Variants in DSCAM observed in about 807,000 individuals in gnomAD.
DSCAM encodes the protein DS cell adhesion molecule, also known as cell adhesion molecule DSCAM.
DSCAM carries 47 observed loss-of-function variants against 217.7 expected under a neutral mutation model. The ratio of observed to expected loss-of-function variants is 0.22; its 90% CI spans 0.17 to 0.28. DSCAM has a LOEUF of 0.28. DSCAM is among the 10% of genes least tolerant of loss of function. The pLI is 1.00. For synonymous variants in DSCAM, 1,056 were observed against 1,015.3 expected (o/e 1.04, Z -0.76); for missense variants, 2,080 against 2,618.3 (o/e 0.79, Z 4.49).
intron 6 of DSCAM, among the ~76,000 whole-genome samples, chr21:40,346,710 G>T (rs142707764): frequency 6.6e-6 from 1 of 152,162 alleles, no homozygotes; most frequent in South Asian, 2.1e-4. Context: ...TCCAAAACCT[G>T]TTATTATACC....
chr21:40,416,519 A>C (rs2075373335), intron 3 of DSCAM, among the ~76,000 whole-genome samples: 1 of 152,222 alleles, frequency 6.6e-6, no homozygotes, highest in Non-Finnish European at 1.5e-5. Context: ...TGCCAAAATA[A>C]GCAGACAAAG....
intron 3 of DSCAM, among the ~76,000 whole-genome samples, chr21:40,524,957 C>T (rs892124855): frequency 3.5e-5 from 5 of 144,824 alleles, no homozygotes; most frequent in Non-Finnish European, 7.4e-5. Context: ...TTGCAGTGAG[C>T]CAAGGTCATG....
At chr21:40,628,079 A>T (rs908772087) in intron 3 of DSCAM, among the ~76,000 whole-genome samples, 9 of 152,204 alleles carry the variant, frequency 5.9e-5, no homozygotes, top group African/African-American at 9.7e-5. Context: ...ACCCCAGCAC[A>T]ATGAAACCAC....
chr21:40,772,261 T>C (rs914291888), intron 1 of DSCAM, among the ~76,000 whole-genome samples: 2 of 152,166 alleles, frequency 1.3e-5, no homozygotes, highest in African/African-American at 4.8e-5. Context: ...CTCCACCTCC[T>C]GGGTGCAAGC....
intron 27 of DSCAM, among the ~76,000 whole-genome samples, chr21:40,073,706 T>G (rs2089326825): frequency 6.6e-6 from 1 of 152,248 alleles, no homozygotes; most frequent in South Asian, 2.1e-4. Flanking sequence ...TGACATGTTT[T>G]GTCTTTCACT....
intron 32 of DSCAM, among the ~76,000 whole-genome samples, chr21:40,019,519 C>T (rs563422496): frequency 6.6e-6 from 1 of 152,292 alleles, no homozygotes; most frequent in Admixed American, 6.5e-5. Flanking sequence ...AATCTGTTTC[C>T]ACAGGGAGCA....
intron 2 of DSCAM, among the ~76,000 whole-genome samples, chr21:40,705,635 T>A (rs2090706173): frequency 6.6e-6 from 1 of 152,026 alleles, no homozygotes; most frequent in Non-Finnish European, 1.5e-5. Flanking sequence ...AACCATCAGA[T>A]CTCGTGAGAC....
intron 30 of DSCAM, among the ~76,000 whole-genome samples, chr21:40,051,494 T>C (rs922469746): frequency 1.6e-4 from 24 of 152,212 alleles, no homozygotes; most frequent in African/African-American, 5.5e-4. Context: ...TACTTATGTG[T>C]GCAACTTTAT....
intron 16 of DSCAM, among the ~76,000 whole-genome samples, chr21:40,160,360 A>G (rs1412430744): frequency 1.3e-5 from 2 of 152,230 alleles, no homozygotes; most frequent in Non-Finnish European, 2.9e-5. Flanking sequence ...TATATAATTT[A>G]CTTGTTGGAA....
intron 4 of DSCAM, among the ~76,000 whole-genome samples, chr21:40,354,923 CAA>C (rs1274590154): frequency 2.0e-5 from 3 of 148,450 alleles, no homozygotes; most frequent in African/African-American, 2.5e-5. Context: ...ATTTATTGCA[CAA>C]AAGAGTTTTA....
At position 40,187,185 on chromosome 21, in the gene DSCAM, A is replaced by G. The variant is rs1351395740; in HGVS notation, c.2725T>C (p.Phe909Leu). The change falls in exon 14 of 33, where the codon TTT (phenylalanine) becomes CTT (leucine). Residue 909 changes from phenylalanine to leucine, a missense_variant. Coordinates refer to ENST00000400454, the MANE Select transcript of DSCAM (RefSeq NM_001389.5). The stretch of plus-strand genomic sequence containing the variant: ...CCTGTGATGGGACTGTTTCCATCAA[A>G]CCCCATGGTCCACCTGAGCGTAATT... ...RTITLRWTMG[F>L]DGNSPITGYD... 1.2e-6 allele frequency: 2 copies of G among 1,614,144 alleles called. No individual in the cohort carries two copies. Among genetic ancestry groups the G allele is most frequent in the East Asian group, 2.2e-5 (1 of 44,872 alleles).
chr21:40,210,576 GCT>G (rs2091172063), intron 11 of DSCAM, among the ~76,000 whole-genome samples: 2 of 152,158 alleles, frequency 1.3e-5, no homozygotes, highest in East Asian at 1.9e-4. Context: ...ATGGATTCTC[GCT>G]CTGTCACCCA....
intron 15 of DSCAM, among the ~76,000 whole-genome samples, chr21:40,172,179 T>C (rs2090666209): frequency 6.6e-6 from 1 of 152,134 alleles, no homozygotes; most frequent in Admixed American, 6.5e-5. Flanking sequence ...TGAGGCAGGA[T>C]AACCGCTTGA....
At chr21:40,515,919 G>A (rs1003070393) in intron 3 of DSCAM, among the ~76,000 whole-genome samples, 3 of 151,896 alleles carry the variant, frequency 2.0e-5, no homozygotes, top group African/African-American at 4.8e-5. Flanking sequence ...ACTTTTTAAA[G>A]GACTCTACAA....
chr21:40,245,804 C>T (rs1191318542), intron 11 of DSCAM, among the ~76,000 whole-genome samples: 1 of 152,146 alleles, frequency 6.6e-6, no homozygotes, highest in Non-Finnish European at 1.5e-5. Flanking sequence ...CGCTTTCATA[C>T]TTATCTAGCC....
intron 11 of DSCAM, among the ~76,000 whole-genome samples, chr21:40,224,411 G>A (rs1360971944): frequency 6.6e-6 from 1 of 152,194 alleles, no homozygotes; most frequent in African/African-American, 2.4e-5. Context: ...AAAGAAAGAT[G>A]TTTGCTCCTC....
At chr21:40,578,482 ACTCTGTAAAATGGACCAATCAGTG>A (rs1568917885) in intron 3 of DSCAM, among the ~76,000 whole-genome samples, 3 of 146,214 alleles carry the variant, frequency 2.1e-5, no homozygotes, top group South Asian at 2.1e-4. Flanking sequence ...ACCAATCAGC[ACTCTGTAAAATGGACCAATCAGTG>A]CTCTGTAAAA....
intron 3 of DSCAM, among the ~76,000 whole-genome samples, chr21:40,394,218 C>T (rs1207514095): frequency 6.6e-6 from 1 of 152,152 alleles, no homozygotes; most frequent in Non-Finnish European, 1.5e-5. Context: ...AAGATAAGAA[C>T]AATGATCTTT....
intron 3 of DSCAM, among the ~76,000 whole-genome samples, chr21:40,665,727 AC>A (rs1215632020): frequency 6.6e-6 from 1 of 152,150 alleles, no homozygotes; most frequent in Admixed American, 6.5e-5. Flanking sequence ...CACCCTGGGC[AC>A]CCCATCTGTG....
Sources: gnomAD v4.1 joint callset for allele counts (sites outside exome capture counted in the v4.1 genomes callset) on GRCh38, gnomAD v4.1.1 for gene constraint, MANE v1.5 for transcripts, NCBI Gene and HGNC (gene_info 2026-07-23, HGNC 2026-07-21) for gene names.